PKN2: variants seen among roughly 807,000 people sequenced by gnomAD.
PKN2 encodes the protein protein kinase N2, also known as serine/threonine-protein kinase N2.
A neutral mutation model predicts 119.1 loss-of-function variants in PKN2; 38 were observed. That is an observed-to-expected ratio of 0.32 (90% confidence interval 0.25 to 0.42). The LOEUF (loss-of-function observed/expected upper bound fraction) is 0.42. PKN2 is among the 10% of genes least tolerant of loss of function. PKN2 has a pLI of 1.00. For missense variants in PKN2, 850 were observed against 1,165.1 expected (o/e 0.73, Z 3.94); for synonymous variants, 390 against 384.9 (o/e 1.01, Z -0.15).
At chr1:88,778,114 C>A (rs978471050) in intron 6 of PKN2, among the ~76,000 whole-genome samples, 11 of 152,276 alleles carry the variant, frequency 7.2e-5, no homozygotes, top group African/African-American at 2.2e-4. Context: ...ACTAATGTAC[C>A]TTTTACATGT....
intron 6 of PKN2, among the ~76,000 whole-genome samples, chr1:88,775,937 C>A (rs929575340): frequency 1.3e-5 from 2 of 151,808 alleles, no homozygotes; most frequent in Non-Finnish European, 2.9e-5. Context: ...AACCTCATCT[C>A]TACTAAAAAT....
chr1:88,800,462 G>C (rs1191267556), intron 8 of PKN2, among the ~76,000 whole-genome samples: 1 of 150,830 alleles, frequency 6.6e-6, no homozygotes, highest in Non-Finnish European at 1.5e-5. Context: ...ATTCTTCATA[G>C]GAAGTTGCTT....
intron 6 of PKN2, among the ~76,000 whole-genome samples, chr1:88,773,868 T>C (rs941417712): frequency 2.0e-5 from 3 of 152,090 alleles, no homozygotes; most frequent in Non-Finnish European, 4.4e-5. Flanking sequence ...GTAGGTTAAA[T>C]TTAATAGGTT....
At chr1:88,687,889 A>T (rs887655826) in intron 1 of PKN2, among the ~76,000 whole-genome samples, 10 of 152,230 alleles carry the variant, frequency 6.6e-5, no homozygotes, top group African/African-American at 2.2e-4. Context: ...ATAACATTTT[A>T]AAAATTATTT....
At chr1:88,717,960 G>A (rs1296430229) in intron 1 of PKN2, among the ~76,000 whole-genome samples, 1 of 152,136 alleles carries the variant, frequency 6.6e-6, no homozygotes, top group Non-Finnish European at 1.5e-5. Flanking sequence ...TGATGATGGT[G>A]ACCTACAGAT....
At chr1:88,792,537 A>G (rs1670888148) in intron 8 of PKN2, among the ~76,000 whole-genome samples, 2 of 152,168 alleles carry the variant, frequency 1.3e-5, no homozygotes, top group African/African-American at 4.8e-5. Flanking sequence ...TACATTTCCA[A>G]CCCATGTACT....
Position 88,771,731 on chromosome 1 carries a change from A to G in PKN2, c.837A>G (p.Leu279=). 6.2e-7 allele frequency: 1 copy of G among 1,614,008 alleles called. No homozygotes were observed. The highest frequency in any genetic ancestry group is 8.5e-7 in the Non-Finnish European group (1 of 1,179,914). Residue 279 remains leucine, a synonymous_variant, in exon 6 of 22, where the codon TTA becomes TTG. Transcript: ENST00000370521. Reference sequence around the variant, plus strand: ...TAAAGTATTCATTAGAGCAAAGATTAAACGAAGTCCCCAAGAATCATCCCA... The same window carrying G: ...TAAAGTATTCATTAGAGCAAAGATTGAACGAAGTCCCCAAGAATCATCCCA... The part of the protein sequence containing the change: ...DLLKYSLEQR[L]NEVPKNHPKS...
At position 88,684,856 on chromosome 1, in the gene PKN2, C is replaced by G. The variant is rs11801362; in HGVS notation, c.48+228C>G. 1.0e-3 allele frequency: 493 copies of G among 484,504 alleles called. 2 individuals are homozygous for G. The highest frequency in any genetic ancestry group is 9.3e-3 in the African/African-American group (457 of 49,138). 30.0% of individuals were successfully genotyped at this position (484,504 alleles called of 1,614,324 possible). A position where few individuals can be genotyped will look rare whatever the true frequency, so the allele number is the denominator to read the frequency against. ...GGCCTGCCACCGCTTTGGTTTGATT[C>G]TGCCTACCAGAGGGGACCCCATCTC... On this transcript the variant is annotated intron_variant, in intron 1 of 21. Coordinates refer to ENST00000370521, the MANE Select transcript of PKN2 (RefSeq NM_006256.4).
chr1:88,727,977 T>C (rs1273631598), intron 1 of PKN2, among the ~76,000 whole-genome samples: 1 of 151,582 alleles, frequency 6.6e-6, no homozygotes, highest in African/African-American at 2.4e-5. Context: ...TGCCCTGTTT[T>C]GCAGTTATTT....
chr1:88,824,869 G>A (rs1415300982), intron 18 of PKN2, among the ~76,000 whole-genome samples: 1 of 152,248 alleles, frequency 6.6e-6, no homozygotes, highest in Non-Finnish European at 1.5e-5. Context: ...TAAAGATCAT[G>A]GGCTTAGGCA....
At chr1:88,786,275 T>TAGG in intron 8 of PKN2, 62 bp downstream of exon 8, 1 of 825,236 alleles carries the variant, frequency 1.2e-6, no homozygotes, top group East Asian at 2.7e-5. Flanking sequence ...TGAGTTATAT[T>TAGG]TTTTAGAAGG....
chr1:88,745,952 A>T (rs1004900233), intron 2 of PKN2, among the ~76,000 whole-genome samples: 19 of 152,174 alleles, frequency 1.2e-4, no homozygotes, highest in African/African-American at 4.6e-4. Context: ...GATTTTTGAC[A>T]AAGCTGCCAA....
In PKN2 at chr1:88,710,847, G is replaced by A. The variant is rs150790310; in HGVS notation, c.48+26219G>A. Among the ~76,000 whole-genome samples, 666 of 152,188 alleles carry A rather than the reference G, an allele frequency of 4.4e-3. 12 individuals carry two copies. The East Asian group carries it at 0.048, about 11-fold the overall frequency. ...CATTCTATTATAAAGACACATTCACGCATATGTTCATTGCAGCACTGTTCA... is the reference window on the plus strand; with the variant it reads ...CATTCTATTATAAAGACACATTCACACATATGTTCATTGCAGCACTGTTCA... On this transcript the variant is annotated intron_variant, in intron 1 of 21. Coordinates refer to ENST00000370521, the MANE Select transcript of PKN2 (RefSeq NM_006256.4).
intron 1 of PKN2, among the ~76,000 whole-genome samples, chr1:88,735,234 C>G (rs891690484): frequency 2.0e-5 from 3 of 152,136 alleles, no homozygotes; most frequent in Non-Finnish European, 4.4e-5. Context: ...TCATGGCTCA[C>G]TGCAGTCTTG....
chr1:88,730,189 A>G (rs866975764), intron 1 of PKN2, among the ~76,000 whole-genome samples: 4 of 152,174 alleles, frequency 2.6e-5, no homozygotes, highest in Non-Finnish European at 2.9e-5. Flanking sequence ...ACCAGTCTTT[A>G]TATGGCCTAC....
intron 1 of PKN2, among the ~76,000 whole-genome samples, chr1:88,724,401 C>T (rs1667813141): frequency 1.3e-5 from 2 of 152,024 alleles, no homozygotes; most frequent in Admixed American, 6.6e-5. Flanking sequence ...ATTCTTGGTG[C>T]AAATGTCTCT....
chr1:88,831,337 AG>A (rs1251508021), intron 19 of PKN2, among the ~76,000 whole-genome samples: 1 of 151,576 alleles, frequency 6.6e-6, no homozygotes, highest in Non-Finnish European at 1.5e-5. Context: ...AAATTGTTCA[AG>A]CAGAAGACCA....
Position 88,684,496 on chromosome 1 carries a change from C to G in PKN2, c.-85C>G, listed in dbSNP as rs1465171775. The G allele has an allele frequency of 9.3e-6, 10 of 1,071,768 alleles. No individual in the cohort carries two copies. The highest frequency in any genetic ancestry group is 1.2e-5 in the Non-Finnish European group (9 of 748,612). 66.4% of individuals were successfully genotyped at this position (1,071,768 alleles called of 1,614,324 possible). A position where few individuals can be genotyped will look rare whatever the true frequency, so the allele number is the denominator to read the frequency against. ...TTTTTTTTTTCTTTCTCTCCCCTCT[C>G]CTCACCCCCACCCCGAGCCCCGTCC... On this transcript the variant is annotated 5_prime_UTR_variant, in exon 1 of 22. Coordinates refer to ENST00000370521, the MANE Select transcript of PKN2 (RefSeq NM_006256.4).
chr1:88,788,207 T>C (rs1670661991), intron 8 of PKN2, among the ~76,000 whole-genome samples: 1 of 152,228 alleles, frequency 6.6e-6, no homozygotes, highest in Non-Finnish European at 1.5e-5. Context: ...GATCTAGATC[T>C]AGAATGATCT....
Sources: allele counts gnomAD v4.1 joint callset (sites outside exome capture counted in the v4.1 genomes callset), GRCh38; gene constraint gnomAD v4.1.1; transcripts MANE v1.5; gene names NCBI Gene and HGNC (gene_info 2026-07-23, HGNC 2026-07-21).